ULK1: variants seen among roughly 807,000 people sequenced by gnomAD.
ULK1 encodes unc-51 like autophagy activating kinase 1.
A neutral mutation model predicts 117.5 loss-of-function variants in ULK1; 48 were observed. The observed-to-expected ratio is 0.41, with a 90% CI of 0.32 to 0.52. ULK1 has a LOEUF of 0.52. ULK1 is among the 20% of genes least tolerant of loss of function. ULK1 has a pLI of 0.29. For synonymous variants in ULK1, 790 were observed against 637.8 expected (o/e 1.24, Z -3.60); for missense variants, 1,387 against 1,473.4 (o/e 0.94, Z 0.96).
In ULK1 at chr12:131,902,181, G is replaced by C. The variant is rs1398594825; in HGVS notation, c.247-4711G>C. On this transcript the variant is annotated intron_variant, in intron 3 of 27. Coordinates refer to ENST00000321867, the MANE Select transcript of ULK1 (RefSeq NM_003565.4). This position sits in a 1 kb window ranked among gnomAD's most constrained non-coding sequence, Gnocchi z 6.3. ...TGGAGCCGGCATCCCTTCCCTTTTG[G>C]GAGCTGTCCAGGAGCCCCGCCTGGG... is the stretch of plus-strand genomic sequence containing the variant. Among the ~76,000 whole-genome samples the C allele has an allele frequency of 6.6e-6, 1 of 152,148 alleles. No individual in the cohort carries two copies. The highest frequency in any genetic ancestry group is 2.4e-5 in the African/African-American group (1 of 41,418).
intron 7 of ULK1, 54 bp from the exon 8 acceptor site, chr12:131,909,082 C>G: frequency 1.2e-6 from 2 of 1,604,424 alleles, no homozygotes; most frequent in Non-Finnish European, 8.5e-7. Flanking sequence ...TGGCGGGCAC[C>G]TTCTGTGGTT....
chr12:131,908,526 C>T (rs1177434518), intron 5 of ULK1, 118 bp from the exon 6 acceptor site: 4 of 1,283,116 alleles, frequency 3.1e-6, no homozygotes, highest in South Asian at 1.7e-5. Context: ...GGTTTCCTCC[C>T]GGCCTGCGGC....
chr12:131,921,484 C>T lies in ULK1; in HGVS notation c.*123C>T. ...GCTGGTGCTGAGCCCTGCCCTGGGC[C>T]CCACGGACAGTCAGCCTGCCGGCCT... On this transcript the variant is annotated 3_prime_UTR_variant, in exon 28 of 28. Transcript: ENST00000321867. 6.9e-7 allele frequency: 1 copy of T among 1,448,068 alleles called. No individual in the cohort carries two copies. Among genetic ancestry groups the T allele is most frequent in the Non-Finnish European group, 9.5e-7 (1 of 1,054,814 alleles). 89.7% of individuals were successfully genotyped at this position (1,448,068 alleles called of 1,614,324 possible). A position where few individuals can be genotyped will look rare whatever the true frequency, so the allele number is the denominator to read the frequency against.
chr12:131,920,335 C>T (rs1026805137), intron 26 of ULK1, 199 bp downstream of exon 26: 8 of 651,794 alleles, frequency 1.2e-5, no homozygotes, highest in South Asian at 8.2e-5. Flanking sequence ...CTTGATTGTA[C>T]GGGTGCCGTG....
intron 4 of ULK1, among the ~76,000 whole-genome samples, 184 bp downstream of exon 4, chr12:131,907,108 C>T (rs944480532): frequency 1.8e-4 from 27 of 152,120 alleles, no homozygotes; most frequent in East Asian, 3.9e-4. Flanking sequence ...CCTCCACCTC[C>T]GGGTTCAAGC....
At chr12:131,914,644 A>G (rs1297103985) in intron 16 of ULK1, among the ~76,000 whole-genome samples, 167 bp downstream of exon 16, 2 of 152,230 alleles carry the variant, frequency 1.3e-5, no homozygotes, top group Non-Finnish European at 2.9e-5. Flanking sequence ...TTGGGTTTCT[A>G]GAGTTATTTT....
intron 20 of ULK1, 81 bp from the exon 21 acceptor site, chr12:131,916,872 C>T: frequency 2.4e-6 from 3 of 1,247,076 alleles, no homozygotes; most frequent in Admixed American, 4.9e-5. Context: ...TCATGTGTGT[C>T]TGGCCTGCAG....
chr12:131,909,383 T>G (rs1889420674), intron 8 of ULK1, 146 bp downstream of exon 8: 5 of 947,318 alleles, frequency 5.3e-6, no homozygotes, highest in Non-Finnish European at 7.6e-6. Context: ...AGGGGTCCAG[T>G]GGGGAAGGGG....
chr12:131,919,818 G>A, intron 25 of ULK1, 161 bp from the exon 26 acceptor site: 1 of 1,170,458 alleles, frequency 8.5e-7, no homozygotes, highest in East Asian at 2.6e-5. Context: ...TGGCACCCGG[G>A]ACAAGGTGCG....
intron 3 of ULK1, among the ~76,000 whole-genome samples, chr12:131,896,335 C>G (rs1340664772): frequency 6.6e-6 from 1 of 152,196 alleles, no homozygotes; most frequent in Admixed American, 6.5e-5. Context: ...TGACCTCGGG[C>G]CCGGCTGGCC....
chr12:131,917,521 C>G lies in ULK1; in HGVS notation c.2293C>G (p.Pro765Ala), dbSNP rs747098925. 12 of 1,455,768 alleles carry G rather than the reference C, an allele frequency of 8.2e-6. No individual in the cohort carries two copies. The African/African-American group carries it at 1.3e-4, about 16-fold the overall frequency. The allele number at this position is 1,455,768 out of a possible 1,614,324, so 90.2% of individuals were successfully genotyped here. ...GGGCTCTCCCCCGAGCGGGAGCACG[C>G]CCCCCCAGGGCCCCCGCACCAGGAT... ...TVGSPPSGST[P>A]PQGPRTRMFS... The change falls in exon 22 of 28, where the codon CCC becomes GCC. Residue 765 changes from proline to alanine, a missense_variant. This residue lies in a region of ULK1 where 900 missense variants were observed against 858.9 expected (regional missense o/e 1.05). Transcript: ENST00000321867.
In ULK1 at chr12:131,894,952, CGCGCCTTGG is replaced by C; in HGVS notation, c.-49_-41del. On this transcript the variant is annotated 5_prime_UTR_variant, in exon 1 of 28. Coordinates refer to ENST00000321867, the MANE Select transcript of ULK1 (RefSeq NM_003565.4). ...GGCCCGCGCCTCCGCCTGAGTCCCC[CGCGCCTTGG>C]CCCGCCACCCCCCGCCCCGCGCCCC... The C allele has an allele frequency of 1.2e-6, 1 of 846,958 alleles. No homozygotes were observed. The highest frequency in any genetic ancestry group is 1.5e-6 in the Non-Finnish European group (1 of 682,832). The allele number at this position is 846,958 out of a possible 1,614,324, so 52.5% of individuals were successfully genotyped here. A position where few individuals can be genotyped will look rare whatever the true frequency, so the allele number is the denominator to read the frequency against.
intron 14 of ULK1, 112 bp from the exon 15 acceptor site, chr12:131,913,635 G>A: frequency 1.4e-6 from 1 of 710,756 alleles, no homozygotes; most frequent in African/African-American, 1.9e-5. Flanking sequence ...AACCCAGGAA[G>A]CAGAGGTTGC....
chr12:131,899,446 C>T (rs938506410), intron 3 of ULK1, among the ~76,000 whole-genome samples: 2 of 151,902 alleles, frequency 1.3e-5, no homozygotes, highest in Non-Finnish European at 2.9e-5. Flanking sequence ...CATCGGCCTC[C>T]GAAAGTGCTA....
In ULK1 at chr12:131,922,289, T is replaced by G; in HGVS notation, c.*928T>G. On this transcript the variant is annotated 3_prime_UTR_variant, in exon 28 of 28. Transcript: ENST00000321867. ...CGTGTGGCGGGCGGGTGAGGCTGCT[T>G]TGCACACCTGTGTTGGTGGCTGTCC... The G allele has an allele frequency of 2.9e-6, 1 of 346,028 alleles. No homozygotes were observed. Among genetic ancestry groups the G allele is most frequent in the Non-Finnish European group, 5.7e-6 (1 of 174,192 alleles). 21.4% of individuals were successfully genotyped at this position (346,028 alleles called of 1,614,324 possible).
rs1890132847 is a variant in ULK1 at position 131,921,159 on chromosome 12, C to T, written c.3021C>T (p.Tyr1007=). 6.2e-7 allele frequency: 1 copy of T among 1,605,154 alleles called. No homozygotes were observed. The highest frequency in any genetic ancestry group is 2.2e-5 in the East Asian group (1 of 44,882). The part of the protein sequence containing the change: ...FQHREGCVPR[Y]HKALLLLEGL... ...ACCGTGAGGGCTGCGTCCCACGCTA[C>T]CACAAGGCCCTGCTGCTCCTGGAGG... is the stretch of plus-strand genomic sequence containing the variant. Residue 1007 remains tyrosine (Y), a synonymous_variant, in exon 27 of 28, where the codon TAC becomes TAT. Transcript: ENST00000321867.
In ULK1 at chr12:131,902,775, G is replaced by A. The variant is rs1566115094; in HGVS notation, c.247-4117G>A. Among the ~76,000 whole-genome samples the A allele has an allele frequency of 6.6e-6, 1 of 152,138 alleles. No individual in the cohort carries two copies. On this transcript the variant is annotated intron_variant, in intron 3 of 27. Transcript: ENST00000321867. This position sits in a 1 kb window ranked among gnomAD's most constrained non-coding sequence, Gnocchi z 6.3. ...CAACTGTGTGTGTCACCACGGGACG[G>A]ACCCCCGGACCCTGTCTTGGGAGGC...
intron 4 of ULK1, 49 bp downstream of exon 4, chr12:131,906,973 C>G: frequency 6.2e-7 from 1 of 1,613,350 alleles, no homozygotes; most frequent in Non-Finnish European, 8.5e-7. Context: ...GGCCATGGCC[C>G]TGGGAGCCCC....
intron 3 of ULK1, chr12:131,896,372 G>A (rs1888871023): frequency 1.3e-5 from 2 of 158,766 alleles, no homozygotes; most frequent in South Asian, 1.7e-4. Flanking sequence ...GGGACCAGCT[G>A]GCTTTCGTGC....
Sources: allele counts gnomAD v4.1 joint callset (sites outside exome capture counted in the v4.1 genomes callset), GRCh38; gene constraint gnomAD v4.1.1; regional missense constraint gnomAD v4.1.1; non-coding constraint Gnocchi (gnomAD v3.1); transcripts MANE v1.5; gene names NCBI Gene and HGNC (gene_info 2026-07-23, HGNC 2026-07-21).